Variants in INO80C observed in about 807,000 individuals in gnomAD.
INO80C encodes the protein INO80 complex subunit C.
Under a neutral mutation model 17.7 loss-of-function variants are expected in INO80C, and 17 were observed. The observed-to-expected ratio is 0.96, with a 90% CI of 0.66 to 1.44. The LOEUF is 1.44. Among genes scored for constraint, INO80C ranks in the 40% most tolerant of loss-of-function variants. INO80C has a pLI of 0.00. For missense variants in INO80C, 244 were observed against 245.0 expected, an observed-to-expected ratio of 1.00 and a Z score of 0.03; for synonymous variants, 96 against 95.8, an observed-to-expected ratio of 1.00 and a Z score of -0.01.
At chr18:35,472,511 A>G (rs1352773831) in intron 4 of INO80C, among the ~76,000 whole-genome samples, 1 of 152,160 alleles carries the variant, frequency 6.6e-6, no homozygotes, top group African/African-American at 2.4e-5. Context: ...CCTTTGTCAG[A>G]TGAGTAGGTT....
At chr18:35,496,045 A>T (rs1264131599) in intron 1 of INO80C, among the ~76,000 whole-genome samples, 1 of 152,164 alleles carries the variant, frequency 6.6e-6, no homozygotes, top group Non-Finnish European at 1.5e-5. Flanking sequence ...AGCAACTGGC[A>T]CTCTCATACT....
intron 1 of INO80C, among the ~76,000 whole-genome samples, chr18:35,484,513 T>C (rs76672104): frequency 0.021 from 3,207 of 152,252 alleles, 38 homozygotes; most frequent in Middle Eastern, 0.041. Context: ...CAGAAGACAT[T>C]TGGTGGGGGA....
intron 1 of INO80C, among the ~76,000 whole-genome samples, chr18:35,492,584 T>A (rs2045943139): frequency 6.6e-6 from 1 of 152,210 alleles, no homozygotes; most frequent in Non-Finnish European, 1.5e-5. Context: ...GAATAACTTT[T>A]AAGACTTAAA....
Position 35,480,522 on chromosome 18 carries a change from G to A in INO80C, c.198C>T (p.Pro66=). 6.2e-7 allele frequency: 1 copy of A among 1,614,044 alleles called. No homozygotes were observed. The highest frequency in any genetic ancestry group is 8.5e-7 in the Non-Finnish European group (1 of 1,179,876). ...MEAMSENKMV[P]SEFSTGPVEK... The stretch of plus-strand genomic sequence containing the variant: ...CCACAGGTCCTGTGCTAAACTCAGA[G>A]GGCACCATTTTATTCTCACTCATGG... Residue 66 remains proline (P), a synonymous_variant, in exon 2 of 5, where the codon CCC becomes CCT. Coordinates refer to ENST00000334598, the MANE Select transcript of INO80C (RefSeq NM_194281.4).
At chr18:35,490,228 A>G (rs1381485938) in intron 1 of INO80C, among the ~76,000 whole-genome samples, 3 of 152,220 alleles carry the variant, frequency 2.0e-5, no homozygotes, top group Non-Finnish European at 4.4e-5. Context: ...ACCCGCCAGC[A>G]TTAGCAGAAG....
chr18:35,479,382 G>T lies in INO80C; in HGVS notation c.297C>A (p.Gly99=). 6.2e-7 allele frequency: 1 copy of T among 1,613,866 alleles called. No homozygotes were observed. The highest frequency in any genetic ancestry group is 8.5e-7 in the Non-Finnish European group (1 of 1,179,880). ...GGTTCTTCCAGGTTCTGTTCTTCTT[G>T]CCAGCTACTGCGCCACCGTGGCCAG... ...VHSGHGGAVA[G]KKNRTWKNLK... is the part of the protein sequence containing the mutation. Residue 99 remains glycine (G), a synonymous_variant, in exon 3 of 5, where the codon GGC becomes GGA. Transcript: ENST00000334598.
At chr18:35,489,975 C>T (rs568862054) in intron 1 of INO80C, among the ~76,000 whole-genome samples, 1 of 151,652 alleles carries the variant, frequency 6.6e-6, no homozygotes, top group Non-Finnish European at 1.5e-5. Context: ...AAGAAATTCA[C>T]ACTGAAATAT....
chr18:35,473,300 G>A (rs900216106), intron 4 of INO80C, among the ~76,000 whole-genome samples: 2 of 152,172 alleles, frequency 1.3e-5, no homozygotes, highest in African/African-American at 4.8e-5. Context: ...TCAGGCAACA[G>A]ACAAGAGGTA....
At chr18:35,477,572 G>GAAAACAAAAC (rs369174665) in intron 4 of INO80C, among the ~76,000 whole-genome samples, 6 of 151,992 alleles carry the variant, frequency 3.9e-5, no homozygotes, top group Non-Finnish European at 5.9e-5. Flanking sequence ...ATTTGTTTAA[G>GAAAACAAAAC]AAAACAAAAC....
chr18:35,492,220 G>A (rs2045939745), intron 1 of INO80C, among the ~76,000 whole-genome samples: 1 of 152,208 alleles, frequency 6.6e-6, no homozygotes, highest in Non-Finnish European at 1.5e-5. Flanking sequence ...AAAACTGCAA[G>A]GTTACTATAG....
At chr18:35,472,048 T>C (rs938033429) in intron 4 of INO80C, among the ~76,000 whole-genome samples, 3 of 152,248 alleles carry the variant, frequency 2.0e-5, no homozygotes, top group Non-Finnish European at 4.4e-5. Context: ...TTGTGAATAG[T>C]GCTACAATAA....
chr18:35,468,604 C>T lies in INO80C; in HGVS notation c.*7G>A, dbSNP rs2045630837. ...ACAGCTTTCCACTTCATCTCCCTTT[C>T]TGGGGCTCAGGGAACGATGCTCGTG... On this transcript the variant is annotated 3_prime_UTR_variant, in exon 5 of 5. Transcript: ENST00000334598. 1.9e-6 allele frequency: 3 copies of T among 1,614,144 alleles called. No homozygotes were observed. Among genetic ancestry groups the T allele is most frequent in the Non-Finnish European group, 2.5e-6 (3 of 1,180,018 alleles).
At chr18:35,482,290 T>C (rs1458884207) in intron 1 of INO80C, among the ~76,000 whole-genome samples, 1 of 152,226 alleles carries the variant, frequency 6.6e-6, no homozygotes, top group African/African-American at 2.4e-5. Context: ...TACTCTCAGC[T>C]GGAATTTTAG....
At chr18:35,481,444 T>C (rs1297329882) in intron 1 of INO80C, among the ~76,000 whole-genome samples, 1 of 152,230 alleles carries the variant, frequency 6.6e-6, no homozygotes, top group Non-Finnish European at 1.5e-5. Context: ...ACTAGTACAA[T>C]TCCTATCCTT....
intron 1 of INO80C, among the ~76,000 whole-genome samples, chr18:35,492,053 T>C (rs979230430): frequency 6.6e-6 from 1 of 152,214 alleles, no homozygotes; most frequent in East Asian, 1.9e-4. Flanking sequence ...CAGACAGTAG[T>C]GTGCTTGACT....
At position 35,468,725 on chromosome 18, in the gene INO80C, G is replaced by C; in HGVS notation, c.465C>G (p.Pro155=). The change falls in exon 5 of 5, where the codon CCC becomes CCG. Residue 155 remains proline (P), a synonymous_variant. Transcript: ENST00000334598. ...VSGLLANYTD[P]QSKLRFSTIE... is the part of the protein sequence containing the mutation. ...TGGTGCTGAACCGCAGTTTGCTCTG[G>C]GGGTCTGTGTAGTTGGCCTGGGTGA... 1 of 1,614,168 alleles carries C rather than the reference G, an allele frequency of 6.2e-7. No homozygotes were observed. Among genetic ancestry groups the C allele is most frequent in the African/African-American group, 1.3e-5 (1 of 75,046 alleles).
Position 35,469,724 on chromosome 18 carries a change from T to C in INO80C, c.448-982A>G, listed in dbSNP as rs79266278. Among the ~76,000 whole-genome samples the C allele has an allele frequency of 3.6e-3, 551 of 152,320 alleles. 2 individuals are homozygous for C. The highest frequency in any genetic ancestry group is 0.012 in the African/African-American group (518 of 41,560). On this transcript the variant is annotated intron_variant, in intron 4 of 4. Coordinates refer to ENST00000334598, the MANE Select transcript of INO80C (RefSeq NM_194281.4). ...TATTATCTACATGACTCTTTGATGATGGTCTAGGCTATGAGGGTCCATGAG... is the reference window on the plus strand; with the variant it reads ...TATTATCTACATGACTCTTTGATGACGGTCTAGGCTATGAGGGTCCATGAG...
At chr18:35,492,875 A>G (rs1417069794) in intron 1 of INO80C, among the ~76,000 whole-genome samples, 4 of 152,226 alleles carry the variant, frequency 2.6e-5, no homozygotes, top group African/African-American at 9.6e-5. Context: ...ACTTTAATAC[A>G]CATTTGAAAA....
chr18:35,473,531 G>A (rs559022597), intron 4 of INO80C, among the ~76,000 whole-genome samples: 13 of 152,172 alleles, frequency 8.5e-5, no homozygotes, highest in Admixed American at 1.3e-4. Context: ...GGGATTCCAC[G>A]TGAGTCCATA....
Sources: gnomAD v4.1 joint callset for allele counts (sites outside exome capture counted in the v4.1 genomes callset) on GRCh38, gnomAD v4.1.1 for gene constraint, MANE v1.5 for transcripts, NCBI Gene and HGNC (gene_info 2026-07-23, HGNC 2026-07-21) for gene names.